ORC3: variants seen among roughly 807,000 people sequenced by gnomAD.
ORC3 encodes origin recognition complex subunit 3.
Under a neutral mutation model 100.7 loss-of-function variants are expected in ORC3, and 78 were observed. That is an observed-to-expected ratio of 0.77 (90% CI 0.65 to 0.94). ORC3 has a LOEUF of 0.94. Ranked by LOEUF, ORC3 falls within the 40% of genes least tolerant of loss-of-function variation. ORC3 has a pLI of 0.00. For missense variants in ORC3, 789 were observed against 823.9 expected (o/e 0.96, Z 0.52); for synonymous variants, 295 against 289.3 (o/e 1.02, Z -0.20).
chr6:87,643,977 C>G (rs1353493900), intron 13 of ORC3, among the ~76,000 whole-genome samples: 1 of 150,660 alleles, frequency 6.6e-6, no homozygotes, highest in Non-Finnish European at 1.5e-5. Flanking sequence ...AAAGTCTGTA[C>G]GTGTTCTATA....
intron 15 of ORC3, among the ~76,000 whole-genome samples, chr6:87,657,583 C>G (rs990373339): frequency 2.0e-5 from 3 of 152,078 alleles, no homozygotes; most frequent in African/African-American, 7.2e-5. Flanking sequence ...GGCAAAAAGG[C>G]AAGATTTTTT....
downstream of ORC3, among the ~76,000 whole-genome samples, chr6:87,671,257 CA>C (rs1770823960): frequency 6.6e-6 from 1 of 151,940 alleles, no homozygotes; most frequent in African/African-American, 2.4e-5. Flanking sequence ...AGAAATAATC[CA>C]AGCAAGCTAT....
At chr6:87,617,595 G>T (rs899061643) in intron 9 of ORC3, among the ~76,000 whole-genome samples, 1 of 152,002 alleles carries the variant, frequency 6.6e-6, no homozygotes, top group African/African-American at 2.4e-5. Flanking sequence ...TAAGCCAGGC[G>T]TGGTGGCTTA....
chr6:87,677,091 A>C, the ORC3 span, among the ~76,000 whole-genome samples: 1 of 151,958 alleles, frequency 6.6e-6, no homozygotes, highest in African/African-American at 2.4e-5. Context: ...AAAAAAAAAA[A>C]AAAAAATTAA....
rs1409544089 is a variant in ORC3 at position 87,621,936 on chromosome 6, G to T, written c.1122-14G>T. 3.8e-6 allele frequency: 6 copies of T among 1,577,736 alleles called. No homozygotes were observed. The highest frequency in any genetic ancestry group is 4.3e-6 in the Non-Finnish European group (5 of 1,150,502). On this transcript the variant is annotated splice_polypyrimidine_tract_variant and intron_variant, in intron 10 of 19. Transcript: ENST00000392844. ...AATTTTCTCTTTTTATGTATGGAAT[G>T]GTGAAAATTCTAGGTACGTGGAAAA...
chr6:87,597,680 TACACACAC>T (rs55758892), intron 2 of ORC3, among the ~76,000 whole-genome samples: 18 of 138,520 alleles, frequency 1.3e-4, no homozygotes, highest in East Asian at 1.0e-3. Context: ...TATATATATA[TACACACAC>T]ACACACACAC....
intron 13 of ORC3, among the ~76,000 whole-genome samples, chr6:87,637,371 T>C (rs2128279521): frequency 6.6e-6 from 1 of 152,322 alleles, no homozygotes; most frequent in South Asian, 2.1e-4. Context: ...GAAAATGAAT[T>C]TCATGCTATC....
intron 2 of ORC3, among the ~76,000 whole-genome samples, chr6:87,598,026 G>A (rs1777595381): frequency 6.6e-6 from 1 of 152,018 alleles, no homozygotes; most frequent in African/African-American, 2.4e-5. Context: ...TGTTTACAGT[G>A]TGCCAGACTG....
chr6:87,634,964 A>C lies in ORC3; in HGVS notation c.1302+3A>C. ...CCAAGTATCCACTAGGTCGACAGGT[A>C]ATCCAAGCCTCCTCATTTGTAATCC... On this transcript the variant is annotated splice_donor_region_variant and intron_variant, in intron 12 of 19. Transcript: ENST00000392844. The C allele has an allele frequency of 7.5e-7, 1 of 1,341,296 alleles. No individual in the cohort carries two copies. The highest frequency in any genetic ancestry group is 1.2e-5 in the South Asian group (1 of 85,656). 83.1% of individuals were successfully genotyped at this position (1,341,296 alleles called of 1,614,324 possible).
At chr6:87,643,795 G>A (rs1211603992) in intron 13 of ORC3, among the ~76,000 whole-genome samples, 1 of 152,064 alleles carries the variant, frequency 6.6e-6, no homozygotes, top group African/African-American at 2.4e-5. Context: ...GTGGGGGATT[G>A]GTTTTAAGAG....
chr6:87,659,538 T>C (rs984057688), intron 16 of ORC3, among the ~76,000 whole-genome samples: 1 of 152,130 alleles, frequency 6.6e-6, no homozygotes, highest in Non-Finnish European at 1.5e-5. Context: ...GACAGAGTCA[T>C]TGTTCCTAGT....
intron 13 of ORC3, among the ~76,000 whole-genome samples, chr6:87,649,514 G>A (rs527759582): frequency 1.8e-4 from 27 of 152,288 alleles, no homozygotes; most frequent in African/African-American, 6.5e-4. Context: ...TTGAGAGGCC[G>A]AGGCGGGCAG....
At chr6:87,672,104 A>AGAC (rs1362783846), downstream of ORC3, among the ~76,000 whole-genome samples, 5 of 152,206 alleles carry the variant, frequency 3.3e-5, no homozygotes, top group Non-Finnish European at 7.3e-5. Flanking sequence ...TTTAAAAAAG[A>AGAC]GACACATGGA....
chr6:87,666,164 G>C lies in ORC3; in HGVS notation c.2030+331G>C, dbSNP rs117086414. Among the ~76,000 whole-genome samples, 985 of 152,040 alleles carry C rather than the reference G, an allele frequency of 6.5e-3. 4 individuals are homozygous for C. Among genetic ancestry groups the C allele is most frequent in the Non-Finnish European group, 9.6e-3 (654 of 67,994 alleles). ...TTGTTTGTTTTTGAGACGGAGTCTCGTCTATCGCCCAAGCTGGAGTGCAGT... is the reference window on the plus strand; with the variant it reads ...TTGTTTGTTTTTGAGACGGAGTCTCCTCTATCGCCCAAGCTGGAGTGCAGT... On this transcript the variant is annotated intron_variant, in intron 19 of 19. Transcript: ENST00000392844.
intron 10 of ORC3, among the ~76,000 whole-genome samples, 187 bp from the exon 11 acceptor site, chr6:87,621,763 T>G (rs1363927936): frequency 6.6e-6 from 1 of 152,162 alleles, no homozygotes; most frequent in Non-Finnish European, 1.5e-5. Flanking sequence ...CTATAGACTA[T>G]GAAGTCCAGC....
At chr6:87,640,937 G>A (rs574930375) in intron 13 of ORC3, among the ~76,000 whole-genome samples, 244 of 152,074 alleles carry the variant, frequency 1.6e-3, no homozygotes, top group Non-Finnish European at 2.8e-3. Context: ...GTGAAACCCC[G>A]TCTCTACTAA....
chr6:87,614,246 G>T (rs184437774), intron 8 of ORC3, among the ~76,000 whole-genome samples: 2 of 152,206 alleles, frequency 1.3e-5, no homozygotes, highest in African/African-American at 2.4e-5. Context: ...CCCGAACTTT[G>T]TGTTGGCCCT....
chr6:87,590,695 C>A (rs1776773307), intron 1 of ORC3, among the ~76,000 whole-genome samples: 2 of 152,056 alleles, frequency 1.3e-5, no homozygotes, highest in African/African-American at 4.8e-5. Context: ...GAGAAAGTGA[C>A]CCTTTCGCTG....
chr6:87,628,013 A>G (rs549225287), intron 11 of ORC3, among the ~76,000 whole-genome samples: 240 of 152,354 alleles, frequency 1.6e-3, no homozygotes, highest in Non-Finnish European at 3.0e-3. Flanking sequence ...TTATGGATCC[A>G]CTGCTTCAGA....
Sources: allele counts gnomAD v4.1 joint callset (sites outside exome capture counted in the v4.1 genomes callset), GRCh38; gene constraint gnomAD v4.1.1; transcripts MANE v1.5; gene names NCBI Gene and HGNC (gene_info 2026-07-23, HGNC 2026-07-21).